Variants in SPDYE5 observed in about 807,000 individuals in gnomAD.
SPDYE5 encodes the protein speedy protein E5.
SPDYE5 carries 15 observed loss-of-function variants against 48.5 expected under a neutral mutation model. The observed-to-expected ratio is 0.31, with a 90% CI of 0.21 to 0.48. The LOEUF is 0.48. SPDYE5 is among the 20% of genes least tolerant of loss of function. The pLI is 0.99. For synonymous variants in SPDYE5, 116 were observed against 200.7 expected, an observed-to-expected ratio of 0.58 and a Z score of 3.57; for missense variants, 331 against 549.1, an observed-to-expected ratio of 0.60 and a Z score of 3.97.
intron 3 of SPDYE5, among the ~76,000 whole-genome samples, chr7:75,496,404 CAA>C (rs1175143877): frequency 4.4e-4 from 12 of 27,462 alleles, no homozygotes; most frequent in Non-Finnish European, 5.9e-4. Context: ...ACAACAACAA[CAA>C]AAAAAAAAAA....
intron 2 of SPDYE5, 89 bp downstream of exon 2, chr7:75,494,296 A>G: frequency 6.7e-7 from 1 of 1,499,708 alleles, no homozygotes; most frequent in East Asian, 2.5e-5. Flanking sequence ...CTGTAACCCC[A>G]GCACTTTGGG....
Position 75,501,725 on chromosome 7 carries a change from G to A in SPDYE5, c.1119G>A (p.Arg373=). ...AGTTCTTCTGTTCCATGAGCGGCAG[G>A]GCTTGGGTTTCCCCGGAGGAGTTGG... ...RFQFFCSMSG[R]AWVSPEELEE... The change falls in exon 7 of 9, where the codon AGG becomes AGA. Residue 373 remains arginine (R), a synonymous_variant. Coordinates refer to ENST00000625065, the MANE Select transcript of SPDYE5 (RefSeq NM_001306141.4). The A allele has an allele frequency of 6.2e-7, 1 of 1,613,310 alleles. No homozygotes were observed. The highest frequency in any genetic ancestry group is 2.2e-5 in the East Asian group (1 of 44,860).
At chr7:75,502,639 T>A (rs587693717) in intron 8 of SPDYE5, among the ~76,000 whole-genome samples, 194 bp from the exon 9 acceptor site, 1 of 144,612 alleles carries the variant, frequency 6.9e-6, no homozygotes, top group East Asian at 1.9e-4. Flanking sequence ...ATTAAGTGAG[T>A]TTTGGAGTCG....
chr7:75,503,182 A>C lies in SPDYE5; in HGVS notation c.*395A>C, dbSNP rs1328257204. Reference sequence around the variant, plus strand: ...ATGGACTTGGTTACCACAGTCCAGAAGCATTTGAAGGCACAATGCAGGGGC... The same window carrying C: ...ATGGACTTGGTTACCACAGTCCAGACGCATTTGAAGGCACAATGCAGGGGC... On this transcript the variant is annotated 3_prime_UTR_variant, in exon 9 of 9. Transcript: ENST00000625065. 32 of 382,766 alleles carry C rather than the reference A, an allele frequency of 8.4e-5. No homozygotes were observed. The highest frequency in any genetic ancestry group is 6.5e-4 in the African/African-American group (31 of 47,428). The allele number at this position is 382,766 out of a possible 1,614,324, so 23.7% of individuals were successfully genotyped here.
chr7:75,499,777 A>G (rs1163954182), intron 6 of SPDYE5, among the ~76,000 whole-genome samples: 2 of 142,086 alleles, frequency 1.4e-5, no homozygotes, highest in Non-Finnish European at 3.1e-5. Flanking sequence ...AAAAAAAAAA[A>G]AAAAAAAAAA....
At chr7:75,496,031 AAAAG>A (rs1211952512) in intron 3 of SPDYE5, among the ~76,000 whole-genome samples, 2 of 150,434 alleles carry the variant, frequency 1.3e-5, no homozygotes, top group Non-Finnish European at 3.0e-5. Flanking sequence ...AAAAAAAAAA[AAAAG>A]AAGGAAGGAA....
At chr7:75,499,534 A>G (rs1471382351) in intron 6 of SPDYE5, among the ~76,000 whole-genome samples, 1 of 152,108 alleles carries the variant, frequency 6.6e-6, no homozygotes, top group Non-Finnish European at 1.5e-5. Context: ...TGGGAGGCCG[A>G]GGCAGGCGGA....
In SPDYE5 at chr7:75,496,007, C is replaced by T. The variant is rs116751533; in HGVS notation, c.379+633C>T. 7.8e-3 allele frequency among the ~76,000 whole-genome samples: 1,082 copies of T among 138,914 alleles called. 12 individuals carry two copies. The highest frequency in any genetic ancestry group is 0.027 in the African/African-American group (998 of 36,712). 91.1% of individuals were successfully genotyped at this position (138,914 alleles called of 152,430 possible). ...ATAGCGCCACTGCATTTTTTTGAGACGCTGTGTCAAAAAAAAAAAAAAAAA... is the reference window on the plus strand; with the variant it reads ...ATAGCGCCACTGCATTTTTTTGAGATGCTGTGTCAAAAAAAAAAAAAAAAA... On this transcript the variant is annotated intron_variant, in intron 3 of 8. Transcript: ENST00000625065.
At position 75,495,339 on chromosome 7, in the gene SPDYE5, T is replaced by C. The variant is rs1792884827; in HGVS notation, c.344T>C (p.Leu115Pro). The change falls in exon 3 of 9, where the codon CTC becomes CCC. Residue 115 changes from leucine to proline, a missense_variant. Leu to Pro is a moderately conservative substitution (Grantham distance 98). Around this residue, in one of 8 missense-constraint regions of SPDYE5, gnomAD observed 65 missense variants for 138.2 expected, o/e 0.47. Transcript: ENST00000625065. ...AAGCAACAGCGAGTGTCACCCATCC[T>C]CCCTGAGCACCACAAGGGCTTCAAC... Reference protein sequence around the residue: ...KLKQQRVSPILPEHHKGFNSQ... With the variant: ...KLKQQRVSPIPPEHHKGFNSQ... 6.3e-7 allele frequency: 1 copy of C among 1,597,398 alleles called. No individual in the cohort carries two copies. Among genetic ancestry groups the C allele is most frequent in the African/African-American group, 1.3e-5 (1 of 74,760 alleles).
chr7:75,492,850 C>A (rs782264074), intron 1 of SPDYE5, among the ~76,000 whole-genome samples: 1 of 152,162 alleles, frequency 6.6e-6, no homozygotes, highest in Non-Finnish European at 1.5e-5. Context: ...GACGGGAGTG[C>A]AGTGGCAAGA....
At chr7:75,500,780 C>T (rs372101820) in intron 6 of SPDYE5, among the ~76,000 whole-genome samples, 12 of 152,312 alleles carry the variant, frequency 7.9e-5, no homozygotes, top group African/African-American at 2.4e-4. Context: ...CCAATCTCAA[C>T]TCACTGCAAC....
intron 3 of SPDYE5, among the ~76,000 whole-genome samples, 162 bp downstream of exon 3, chr7:75,495,536 G>A (rs1256093266): frequency 1.3e-5 from 2 of 152,224 alleles, no homozygotes; most frequent in Non-Finnish European, 2.9e-5. Context: ...CTTAGGAGAC[G>A]ATAGAGGACT....
Position 75,501,975 on chromosome 7 carries a change from G to C in SPDYE5, c.*38G>C. The C allele has an allele frequency of 6.4e-7, 1 of 1,554,290 alleles. No homozygotes were observed. Among genetic ancestry groups the C allele is most frequent in the Non-Finnish European group, 8.8e-7 (1 of 1,139,648 alleles). On this transcript the variant is annotated 3_prime_UTR_variant, in exon 8 of 9. Coordinates refer to ENST00000625065, the MANE Select transcript of SPDYE5 (RefSeq NM_001306141.4). Reference sequence around the variant, plus strand: ...CGTGGAGGCCTGAGGTCATCGGCCTGAGAGAAGGTACATCTGCATCCTCCG... The same window carrying C: ...CGTGGAGGCCTGAGGTCATCGGCCTCAGAGAAGGTACATCTGCATCCTCCG...
intron 1 of SPDYE5, 43 bp from the exon 2 acceptor site, chr7:75,493,584 C>T (rs1206219842): frequency 3.0e-6 from 3 of 1,003,800 alleles, no homozygotes; most frequent in African/African-American, 1.6e-5. Flanking sequence ...ATCGTTTCTG[C>T]TTACCCTAGT....
chr7:75,496,135 C>G (rs1365311719), intron 3 of SPDYE5, among the ~76,000 whole-genome samples: 3 of 150,682 alleles, frequency 2.0e-5, no homozygotes, highest in African/African-American at 4.9e-5. Flanking sequence ...CACCTGTAAT[C>G]CCAGCACTTT....
intron 3 of SPDYE5, 113 bp downstream of exon 3, chr7:75,495,487 C>T: frequency 6.5e-7 from 1 of 1,543,504 alleles, no homozygotes; most frequent in Non-Finnish European, 8.7e-7. Context: ...GTGAGCTCTC[C>T]ACGCAGGAGG....
intron 6 of SPDYE5, among the ~76,000 whole-genome samples, chr7:75,500,191 A>G (rs1409335496): frequency 7.1e-6 from 1 of 139,984 alleles, no homozygotes; most frequent in Non-Finnish European, 1.5e-5. Context: ...GCCAGGGTCC[A>G]CAGTGTCAAT....
chr7:75,501,440 C>T lies in SPDYE5; in HGVS notation c.834C>T (p.Arg278=). The T allele has an allele frequency of 6.2e-7, 1 of 1,610,900 alleles. No individual in the cohort carries two copies. Among genetic ancestry groups the T allele is most frequent in the Admixed American group, 1.7e-5 (1 of 59,946 alleles). ...NIFHFLYGKN[R]SRIPLLRKRW... is the part of the protein sequence containing the mutation. ...TCCACTTCCTGTATGGGAAGAACCGCTCTCGCATACCCTTGCTCCGTAAGC... is the reference window on the plus strand; with the variant it reads ...TCCACTTCCTGTATGGGAAGAACCGTTCTCGCATACCCTTGCTCCGTAAGC... The change falls in exon 7 of 9, where the codon CGC becomes CGT. Residue 278 remains arginine (R), a synonymous_variant. Transcript: ENST00000625065.
chr7:75,502,031 G>A (rs1793178905), intron 8 of SPDYE5, 49 bp downstream of exon 8: 22 of 1,527,850 alleles, frequency 1.4e-5, no homozygotes, highest in South Asian at 1.0e-4. Flanking sequence ...GGTCTATTTC[G>A]GAAATCCGAA....
Sources: allele counts gnomAD v4.1 joint callset (sites outside exome capture counted in the v4.1 genomes callset), GRCh38; gene constraint gnomAD v4.1.1; regional missense constraint gnomAD v4.1.1; transcripts MANE v1.5; gene names NCBI Gene and HGNC (gene_info 2026-07-23, HGNC 2026-07-21).